The following KIAA1549 variants were observed in gnomAD, a reference collection of about 807,000 sequenced individuals.
The protein encoded by KIAA1549 is UPF0606 protein KIAA1549.
KIAA1549 carries 70 observed loss-of-function variants against 156.4 expected under a neutral mutation model. That is an observed-to-expected ratio of 0.45 (90% CI 0.37 to 0.55). The LOEUF is 0.55. Among genes scored for constraint, KIAA1549 ranks in the 20% least tolerant of loss-of-function variants. The pLI, the probability that KIAA1549 is intolerant of heterozygous loss-of-function variation, is 0.00. For synonymous variants in KIAA1549, 1,103 were observed against 1,066.4 expected (o/e 1.03, Z -0.67); for missense variants, 2,428 against 2,540.9 (o/e 0.96, Z 0.96).
rs374858002 is a variant in KIAA1549 at position 138,872,199 on chromosome 7, G to A, written c.4346-837C>T. 2.5e-4 allele frequency among the ~76,000 whole-genome samples: 38 copies of A among 151,908 alleles called. No homozygotes were observed. In the South Asian group the frequency reaches 4.6e-3, roughly 18 times the overall value. On this transcript the variant is annotated intron_variant, in intron 12 of 19. Coordinates refer to ENST00000422774, the MANE Select transcript of KIAA1549 (RefSeq NM_001164665.2). Reference sequence around the variant, plus strand: ...TGACCTCAAGTGATCCACCTGCCTCGGCCTCCCAAAGTGCTGGGATTACAG... The same window carrying A: ...TGACCTCAAGTGATCCACCTGCCTCAGCCTCCCAAAGTGCTGGGATTACAG...
chr7:138,970,972 G>T (rs111450545), intron 1 of KIAA1549, among the ~76,000 whole-genome samples: 1 of 152,072 alleles, frequency 6.6e-6, no homozygotes. Flanking sequence ...GAAGTGACAG[G>T]AGAGTTTCCA....
rs543944276 is a variant in KIAA1549, at chr7:138,906,973, T to C, written c.3406A>G (p.Ser1136Gly). The change falls in exon 6 of 20, where the codon AGT (serine) becomes GGT (glycine). Residue 1136 changes from serine (S) to glycine (G), a missense_variant. This residue lies in a region of KIAA1549 where 762 missense variants were observed against 901.6 expected (regional missense o/e 0.85). Transcript: ENST00000422774. ...AGATAGAAACTGAACTCCACCACACTCAAGTTTCTGAGCAGCTCGCTCACT... is the reference window on the plus strand; with the variant it reads ...AGATAGAAACTGAACTCCACCACACCCAAGTTTCTGAGCAGCTCGCTCACT... ...SEVSELLRNLSVVEFSFYLGY... is the reference protein window; with the variant it reads ...SEVSELLRNLGVVEFSFYLGY... The C allele has an allele frequency of 6.8e-5, 110 of 1,613,070 alleles. No homozygotes were observed. The South Asian group carries it at 1.1e-3, about 15-fold the overall frequency.
At chr7:138,898,483 G>A (rs565801848) in intron 9 of KIAA1549, among the ~76,000 whole-genome samples, 1 of 152,126 alleles carries the variant, frequency 6.6e-6, no homozygotes, top group African/African-American at 2.4e-5. Context: ...GACTGAAAAG[G>A]GGAAGGATCA....
chr7:138,857,334 T>C (rs926882064), intron 16 of KIAA1549, among the ~76,000 whole-genome samples: 6 of 152,174 alleles, frequency 3.9e-5, no homozygotes, highest in African/African-American at 1.4e-4. Context: ...TAAACAAATG[T>C]GGTATATTCG....
intron 15 of KIAA1549, among the ~76,000 whole-genome samples, chr7:138,865,819 C>A (rs1270999065): frequency 2.0e-5 from 3 of 152,178 alleles, no homozygotes; most frequent in Admixed American, 6.5e-5. Flanking sequence ...CCATACAAAA[C>A]TCAATCATTT....
rs374738115 is a variant in KIAA1549, at chr7:138,917,689, G to A, written c.1937C>T (p.Ala646Val). The change falls in exon 2 of 20, where the codon GCG becomes GTG. Residue 646 changes from alanine (A) to valine (V), a missense_variant. This residue lies in a region of KIAA1549 where 893 missense variants were observed against 847.9 expected (regional missense o/e 1.05). Coordinates refer to ENST00000422774, the MANE Select transcript of KIAA1549 (RefSeq NM_001164665.2). ...GTCACTCGGCATCAGAGACAGAGACGCAGGTGCTTCCGAAGGCGAAGAGAT... is the reference window on the plus strand; with the variant it reads ...GTCACTCGGCATCAGAGACAGAGACACAGGTGCTTCCGAAGGCGAAGAGAT... Reference protein sequence around the residue: ...GSISSPSEAPASLSLMPSDLS... With the variant: ...GSISSPSEAPVSLSLMPSDLS... 6.2e-6 allele frequency: 10 copies of A among 1,608,800 alleles called. No individual in the cohort carries two copies. Among genetic ancestry groups the A allele is most frequent in the Admixed American group, 1.7e-5 (1 of 59,140 alleles).
rs140338556 is a variant in KIAA1549, at chr7:138,872,011, C to T, written c.4346-649G>A. On this transcript the variant is annotated intron_variant, in intron 12 of 19. Transcript: ENST00000422774. ...TAATTTATTTTTTATTTTTTTGAGA[C>T]GGAGTCTCACTCTCTCGCCTAGGCT... 2.8e-3 allele frequency among the ~76,000 whole-genome samples: 429 copies of T among 152,100 alleles called. 1 individual carries two copies. The highest frequency in any genetic ancestry group is 9.5e-3 in the African/African-American group (394 of 41,508).
chr7:138,871,328 G>T lies in KIAA1549; in HGVS notation c.4380C>A (p.His1460Gln), dbSNP rs138395431. 9.2e-4 allele frequency: 1,450 copies of T among 1,579,862 alleles called. 11 individuals carry two copies. In the African/African-American group the frequency reaches 0.018, roughly 20 times the overall value. Residue 1460 changes from histidine to glutamine, a missense_variant, in exon 13 of 20, where the codon CAC becomes CAA. This residue lies in a region of KIAA1549 where 404 missense variants were observed against 417.0 expected (regional missense o/e 0.97). Coordinates refer to ENST00000422774, the MANE Select transcript of KIAA1549 (RefSeq NM_001164665.2). ...PPLPSSGNEQ[H>Q]SSASIFEHVD... ...CGTGCTCGAAGATGGAGGCTGATGA[G>T]TGCTGCTCATTTCCCGAACTGGGCA... is the stretch of plus-strand genomic sequence containing the variant.
chr7:138,942,252 C>T (rs1193699909), intron 1 of KIAA1549, among the ~76,000 whole-genome samples: 3 of 152,210 alleles, frequency 2.0e-5, no homozygotes, highest in South Asian at 2.1e-4. Context: ...CAGCTCTGTA[C>T]AAAAATTTTC....
At chr7:138,889,973 C>G (rs1811502452) in intron 10 of KIAA1549, among the ~76,000 whole-genome samples, 1 of 152,182 alleles carries the variant, frequency 6.6e-6, no homozygotes, top group African/African-American at 2.4e-5. Flanking sequence ...CTCCAGCTCC[C>G]TCCCACATGC....
chr7:138,931,153 G>C (rs761966429), intron 1 of KIAA1549, among the ~76,000 whole-genome samples: 1 of 152,098 alleles, frequency 6.6e-6, no homozygotes, highest in Non-Finnish European at 1.5e-5. Context: ...GGCACCCCAG[G>C]ACAAATTACA....
intron 1 of KIAA1549, among the ~76,000 whole-genome samples, chr7:138,967,975 C>A (rs1033201605): frequency 3.3e-5 from 5 of 152,224 alleles, no homozygotes; most frequent in Non-Finnish European, 7.3e-5. Flanking sequence ...ACCAAGACCA[C>A]TGAGGCTCCC....
At chr7:138,912,195 G>A (rs945904604) in intron 3 of KIAA1549, among the ~76,000 whole-genome samples, 177 bp downstream of exon 3, 2 of 152,150 alleles carry the variant, frequency 1.3e-5, no homozygotes, top group African/African-American at 4.8e-5. Flanking sequence ...AGACCTCCTC[G>A]ATGCAGTGAC....
intron 1 of KIAA1549, among the ~76,000 whole-genome samples, chr7:138,964,291 A>G (rs1224852944): frequency 2.6e-5 from 4 of 152,196 alleles, no homozygotes; most frequent in Non-Finnish European, 5.9e-5. Flanking sequence ...GGGAGAGACC[A>G]CAGAGTCATT....
intron 8 of KIAA1549, among the ~76,000 whole-genome samples, chr7:138,899,427 A>C (rs1584740297): frequency 6.6e-6 from 1 of 152,150 alleles, no homozygotes; most frequent in South Asian, 2.1e-4. Context: ...GGTGGTCTAA[A>C]ATCATCCCCA....
chr7:138,876,042 G>A (rs1563058860), intron 12 of KIAA1549, among the ~76,000 whole-genome samples: 1 of 151,822 alleles, frequency 6.6e-6, no homozygotes, highest in Non-Finnish European at 1.5e-5. Flanking sequence ...ACTAATGTGC[G>A]CAACCCACGT....
chr7:138,927,590 A>G (rs564944389), intron 1 of KIAA1549, among the ~76,000 whole-genome samples: 56 of 152,400 alleles, frequency 3.7e-4, no homozygotes, highest in African/African-American at 1.3e-3. Flanking sequence ...GTGAGCCGAA[A>G]CTGTGCCACT....
chr7:138,885,623 AT>A lies in KIAA1549; in HGVS notation c.4033-4040del, dbSNP rs1811368807. On this transcript the variant is annotated intron_variant, in intron 10 of 19. Coordinates refer to ENST00000422774, the MANE Select transcript of KIAA1549 (RefSeq NM_001164665.2). ...AATTGTAATCTGACCGCCTTGGGCC[AT>A]TTACTCACAGCTTCTTGGGCTCGTG... is the stretch of plus-strand genomic sequence containing the variant. 2.6e-5 allele frequency among the ~76,000 whole-genome samples: 4 copies of A among 152,204 alleles called. No individual in the cohort carries two copies. In the South Asian group the frequency reaches 8.3e-4, roughly 31 times the overall value.
At chr7:138,946,537 T>C (rs1813342717) in intron 1 of KIAA1549, among the ~76,000 whole-genome samples, 1 of 152,130 alleles carries the variant, frequency 6.6e-6, no homozygotes, top group Non-Finnish European at 1.5e-5. Flanking sequence ...CCCAGCACTT[T>C]GGGAGGCTGA....
Sources: gnomAD v4.1 joint callset for allele counts (sites outside exome capture counted in the v4.1 genomes callset) on GRCh38, gnomAD v4.1.1 for gene constraint, gnomAD v4.1.1 regional missense constraint, MANE v1.5 for transcripts, NCBI Gene and HGNC (gene_info 2026-07-23, HGNC 2026-07-21) for gene names.